Variants in AMN observed in about 807,000 individuals in gnomAD.
AMN encodes the protein protein amnionless.
AMN carries 40 observed loss-of-function variants against 49.1 expected under a neutral mutation model. The observed-to-expected ratio is 0.81, with a 90% CI of 0.63 to 1.06. The LOEUF (loss-of-function observed/expected upper bound fraction) is 1.06, where lower values mean the gene tolerates loss of function less well. Among genes scored for constraint, AMN ranks in the 50% least tolerant of loss-of-function variants. AMN has a pLI of 0.00. For synonymous variants in AMN, 380 were observed against 313.3 expected, an observed-to-expected ratio of 1.21 and a Z score of -2.25; for missense variants, 701 against 662.8, an observed-to-expected ratio of 1.06 and a Z score of -0.63.
In AMN at chr14:102,929,210, C is replaced by T; in HGVS notation, c.603C>T (p.Gly201=). Residue 201 remains glycine (G), a synonymous_variant, in exon 6 of 12, where the codon GGC becomes GGT. Transcript: ENST00000299155. ...RFHGPGALSV[G]PEDCADPSGC... ...ACGGGCCGGGCGCGCTGAGCGTGGG[C>T]CCCGAGGACTGCGCGGACCCGTCGG... 2 of 1,580,072 alleles carry T rather than the reference C, an allele frequency of 1.3e-6. No homozygotes were observed. The highest frequency in any genetic ancestry group is 1.7e-6 in the Non-Finnish European group (2 of 1,171,028).
intron 4 of AMN, 75 bp from the exon 5 acceptor site, chr14:102,928,683 G>A: frequency 6.7e-7 from 1 of 1,494,190 alleles, no homozygotes; most frequent in Non-Finnish European, 9.0e-7. Context: ...GTGCTCAGAC[G>A]CGTGGCGTGG....
intron 3 of AMN, among the ~76,000 whole-genome samples, chr14:102,927,491 G>C (rs1050059405): frequency 1.3e-5 from 2 of 152,098 alleles, no homozygotes; most frequent in African/African-American, 4.8e-5. Context: ...TGCACCTGTG[G>C]GGGGACTTGC....
At chr14:102,926,570 C>CA (rs1035349101) in intron 3 of AMN, among the ~76,000 whole-genome samples, 2 of 147,718 alleles carry the variant, frequency 1.4e-5, no homozygotes, top group East Asian at 2.0e-4. Context: ...CCACCACCAC[C>CA]AAAAAAACCC....
rs979571435 is a variant in AMN, at chr14:102,923,723, C to A, written c.56C>A (p.Ala19Glu). 3.7e-6 allele frequency: 6 copies of A among 1,612,478 alleles called. No homozygotes were observed. The highest frequency in any genetic ancestry group is 2.7e-5 in the African/African-American group (2 of 74,928). ...LWLQLCALTQ[A>E]VSKLWVPNTD... ...GCCTCCTCCCCAGCACTGACCCAGGCGGTCTCCAAACTCTGGGTCCCCAAC... is the reference window on the plus strand; with the variant it reads ...GCCTCCTCCCCAGCACTGACCCAGGAGGTCTCCAAACTCTGGGTCCCCAAC... The change falls in exon 2 of 12, where the codon GCG becomes GAG. Residue 19 changes from alanine (A) to glutamate (E), a missense_variant. Physicochemically the swap from Ala to Glu is moderately radical, Grantham distance 107. Transcript: ENST00000299155.
Position 102,930,247 on chromosome 14 carries a change from C to T in AMN, c.1089C>T (p.Gly363=), listed in dbSNP as rs909653703. The T allele has an allele frequency of 8.0e-6, 11 of 1,378,696 alleles. No individual in the cohort carries two copies. In the African/African-American group the frequency reaches 1.1e-4, roughly 13 times the overall value. 85.4% of individuals were successfully genotyped at this position (1,378,696 alleles called of 1,614,324 possible). Residue 363 remains glycine (G), a synonymous_variant, in exon 10 of 12, where the codon GGC becomes GGT. Transcript: ENST00000299155. ...VWGSSAAGLA[G]GVAAAVLLAL... ...GCAGCTCCGCGGCTGGGCTGGCGGG[C>T]GGCGTGGCGGCTGCCGTGCTGCTGG...
intron 3 of AMN, among the ~76,000 whole-genome samples, chr14:102,924,569 C>T (rs1369371390): frequency 6.6e-6 from 1 of 152,212 alleles, no homozygotes; most frequent in East Asian, 1.9e-4. Context: ...CTTCCCCACT[C>T]CCATCAGTCC....
chr14:102,930,048 G>A lies in AMN; in HGVS notation c.968G>A (p.Arg323Gln). ...ENGPETGGAGRLARALLADVA... is the reference protein window; with the variant it reads ...ENGPETGGAGQLARALLADVA... ...GGGCCCGAGACAGGCGGAGCGGGGC[G>A]GCTGGCCCGGGCCCTCCTGGCGGAC... Residue 323 changes from arginine to glutamine, a missense_variant, in exon 9 of 12, where the codon CGG becomes CAG. Physicochemically the swap from Arg to Gln is conservative, Grantham distance 43. Transcript: ENST00000299155. 6.5e-7 allele frequency: 1 copy of A among 1,547,368 alleles called. No individual in the cohort carries two copies. The highest frequency in any genetic ancestry group is 8.7e-7 in the Non-Finnish European group (1 of 1,146,644).
chr14:102,928,666 G>A, intron 4 of AMN, 92 bp from the exon 5 acceptor site: 2 of 1,518,738 alleles, frequency 1.3e-6, no homozygotes, highest in Non-Finnish European at 8.9e-7. Context: ...GCGGGGCTTG[G>A]GAGGTCGTGC....
chr14:102,924,564 C>T (rs1891145709), intron 3 of AMN, among the ~76,000 whole-genome samples: 1 of 152,188 alleles, frequency 6.6e-6, no homozygotes, highest in Non-Finnish European at 1.5e-5. Context: ...GAAACCTTCC[C>T]CACTCCCATC....
chr14:102,928,482 AG>A lies in AMN; in HGVS notation c.265del (p.Asp89ThrfsTer110). On this transcript the variant is annotated frameshift_variant, in exon 4 of 12. Coordinates refer to ENST00000299155, the MANE Select transcript of AMN (RefSeq NM_030943.4). LOFTEE classifies it high-confidence loss of function. ...CTTCAGGAGCCGGATTCGGCGTCTC[AG>A]ACGTGGGCTCGCACCTGGACTGTGG... ...LASGAGFGVS[D>X]VGSHLDCGAG... 1.2e-6 allele frequency: 2 copies of A among 1,609,522 alleles called. No individual in the cohort carries two copies. The highest frequency in any genetic ancestry group is 1.7e-6 in the Non-Finnish European group (2 of 1,179,086).
At position 102,929,506 on chromosome 14, in the gene AMN, C is replaced by T. The variant is rs1032554285; in HGVS notation, c.730C>T (p.Arg244Trp). ...CPQAACHSAL[R>W]PQGQCCDLCG... ...CCAGGCCGCCTGCCACAGCGCCCTC[C>T]GGCCCCAGGGGCAGTGCTGTGACCT... Residue 244 changes from arginine (R) to tryptophan (W), a missense_variant, in exon 7 of 12, where the codon CGG becomes TGG. Coordinates refer to ENST00000299155, the MANE Select transcript of AMN (RefSeq NM_030943.4). 9 of 1,534,150 alleles carry T rather than the reference C, an allele frequency of 5.9e-6. No individual in the cohort carries two copies. In the African/African-American group the frequency reaches 1.2e-4, roughly 21 times the overall value.
chr14:102,924,351 C>A (rs1253259849), intron 3 of AMN, among the ~76,000 whole-genome samples: 1 of 151,898 alleles, frequency 6.6e-6, no homozygotes, highest in Non-Finnish European at 1.5e-5. Flanking sequence ...CCCAACACCC[C>A]CCCCTCTACC....
intron 3 of AMN, 128 bp from the exon 4 acceptor site, chr14:102,928,298 C>T (rs993745874): frequency 1.2e-6 from 1 of 804,240 alleles, no homozygotes; most frequent in Admixed American, 2.4e-5. Context: ...GGACCCCGGG[C>T]CTGAGCTCGC....
rs752547578 is a variant in AMN, at chr14:102,928,926, G to A, written c.464G>A (p.Gly155Asp). Residue 155 changes from glycine (G) to aspartate (D), a missense_variant, in exon 5 of 12, where the codon GGC becomes GAC. Physicochemically the swap from Gly to Asp is moderately conservative, Grantham distance 94. Coordinates refer to ENST00000299155, the MANE Select transcript of AMN (RefSeq NM_030943.4). ...AGTGCCTCCTTCCGCGTGGGGCTCG[G>A]CCCTGGCGCTAGCCCCGTGCGTGTC... Reference protein sequence around the residue: ...PPSASFRVGLGPGASPVRVRS... With the variant: ...PPSASFRVGLDPGASPVRVRS... The A allele has an allele frequency of 8.1e-6, 13 of 1,601,396 alleles. No homozygotes were observed. The Admixed American group carries it at 2.2e-4, about 27-fold the overall frequency.
Position 102,922,768 on chromosome 14 carries a change from A to G in AMN, c.43+37A>G, listed in dbSNP as rs184031634. ...CCACACCGGTGCGGGCCCGGACGGT[A>G]GCGGTCTGTCAGGACCCAGGGCCGA... On this transcript the variant is annotated intron_variant, in intron 1 of 11. Transcript: ENST00000299155. 1.0e-4 allele frequency: 160 copies of G among 1,562,054 alleles called. No homozygotes were observed. In the East Asian group the frequency reaches 3.2e-3, roughly 31 times the overall value.
At chr14:102,927,968 C>T (rs910112828) in intron 3 of AMN, among the ~76,000 whole-genome samples, 3 of 152,250 alleles carry the variant, frequency 2.0e-5, no homozygotes, top group African/African-American at 7.2e-5. Flanking sequence ...CCCTCCCTCC[C>T]TCACACACCA....
intron 3 of AMN, 107 bp downstream of exon 3, chr14:102,924,086 T>G: frequency 6.7e-7 from 1 of 1,497,682 alleles, no homozygotes; most frequent in South Asian, 1.1e-5. Context: ...ATGGAGGCAC[T>G]GCAGGACTGG....
chr14:102,930,201 A>G lies in AMN; in HGVS notation c.1043A>G (p.Glu348Gly). ...GGCGTCCTGGAGGCGACCATGCGGG[A>G]GTCGGGCGCACACGTCTGGGGCAGC... ...ALGVLEATMR[E>G]SGAHVWGSSA... The change falls in exon 10 of 12, where the codon GAG becomes GGG. Residue 348 changes from glutamate (E) to glycine (G), a missense_variant. Physicochemically the swap from Glu to Gly is moderately conservative, Grantham distance 98. Transcript: ENST00000299155. The G allele has an allele frequency of 6.8e-7, 1 of 1,475,196 alleles. No individual in the cohort carries two copies. The highest frequency in any genetic ancestry group is 2.9e-5 in the East Asian group (1 of 34,838). 91.4% of individuals were successfully genotyped at this position (1,475,196 alleles called of 1,614,324 possible).
chr14:102,930,534 G>A, intron 11 of AMN, 41 bp downstream of exon 11: 2 of 1,545,400 alleles, frequency 1.3e-6, no homozygotes, highest in Non-Finnish European at 1.7e-6. Context: ...CCTCGGGGCC[G>A]GGACTCGGCG....
Sources: gnomAD v4.1 joint callset for allele counts (sites outside exome capture counted in the v4.1 genomes callset) on GRCh38, gnomAD v4.1.1 for gene constraint, MANE v1.5 for transcripts, NCBI Gene and HGNC (gene_info 2026-07-23, HGNC 2026-07-21) for gene names.